The following PPP1R9A variants were observed in gnomAD, a reference collection of about 807,000 sequenced individuals.
PPP1R9A encodes the protein neurabin-1.
PPP1R9A carries 59 observed loss-of-function variants against 141.9 expected under a neutral mutation model. The observed-to-expected ratio is 0.42, with a 90% CI of 0.34 to 0.52. PPP1R9A has a LOEUF of 0.52. Ranked by LOEUF, PPP1R9A falls within the 20% of genes least tolerant of loss-of-function variation. The probability of loss-of-function intolerance (pLI) is 0.10; values close to 1 mark genes in which losing one functional copy is unlikely to be tolerated. For synonymous variants in PPP1R9A, 500 were observed against 569.7 expected (o/e 0.88, Z 1.74); for missense variants, 1,444 against 1,611.9 (o/e 0.90, Z 1.78).
intron 12 of PPP1R9A, among the ~76,000 whole-genome samples, chr7:95,258,030 C>G (rs970918090): frequency 1.3e-5 from 2 of 151,918 alleles, no homozygotes; most frequent in Non-Finnish European, 2.9e-5. Context: ...GGGTATATAC[C>G]CAGTAATGGG....
At chr7:95,124,274 A>G (rs1011603175) in intron 4 of PPP1R9A, among the ~76,000 whole-genome samples, 3 of 152,162 alleles carry the variant, frequency 2.0e-5, no homozygotes, top group African/African-American at 7.2e-5. Context: ...ACACTTACTG[A>G]TATAGAAAAA....
intron 2 of PPP1R9A, among the ~76,000 whole-genome samples, chr7:94,946,158 C>T (rs1457480467): frequency 1.3e-5 from 2 of 151,970 alleles, no homozygotes; most frequent in Admixed American, 6.6e-5. Context: ...ATTTTAGTGT[C>T]TTCAGTTTCC....
At chr7:95,205,666 T>A (rs911957846) in intron 7 of PPP1R9A, among the ~76,000 whole-genome samples, 1 of 152,220 alleles carries the variant, frequency 6.6e-6, no homozygotes, top group African/African-American at 2.4e-5. Flanking sequence ...ACACTGACTC[T>A]GTTGCCCTTG....
chr7:95,028,979 A>G (rs1376141206), intron 2 of PPP1R9A, among the ~76,000 whole-genome samples: 1 of 151,586 alleles, frequency 6.6e-6, no homozygotes, highest in East Asian at 1.9e-4. Flanking sequence ...CTCAGAAGTG[A>G]TTTTTTTTTA....
chr7:95,019,473 A>G (rs1805589454), intron 2 of PPP1R9A, among the ~76,000 whole-genome samples: 1 of 152,246 alleles, frequency 6.6e-6, no homozygotes, highest in Non-Finnish European at 1.5e-5. Context: ...CAAAAAAGCA[A>G]GAATTGAAGA....
At chr7:95,216,132 C>G (rs928484225) in intron 7 of PPP1R9A, among the ~76,000 whole-genome samples, 7 of 152,162 alleles carry the variant, frequency 4.6e-5, no homozygotes, top group Non-Finnish European at 1.0e-4. Flanking sequence ...TTTAATCCAT[C>G]TTGAATGAAT....
chr7:95,268,739 C>G, intron 13 of PPP1R9A, 32 bp downstream of exon 13: 1 of 1,604,292 alleles, frequency 6.2e-7, no homozygotes, highest in Non-Finnish European at 8.5e-7. Flanking sequence ...CTGATTTGTA[C>G]TGTTGGAGTA....
intron 5 of PPP1R9A, among the ~76,000 whole-genome samples, chr7:95,165,863 T>C (rs1831157482): frequency 6.6e-6 from 1 of 151,880 alleles, no homozygotes; most frequent in Admixed American, 6.6e-5. Flanking sequence ...TTATTGAAAA[T>C]TGGGTCAGGC....
intron 7 of PPP1R9A, among the ~76,000 whole-genome samples, chr7:95,221,682 T>G (rs1794476646): frequency 6.6e-6 from 1 of 152,180 alleles, no homozygotes; most frequent in African/African-American, 2.4e-5. Context: ...TAATAAAGAC[T>G]GGCAGCTCAA....
intron 5 of PPP1R9A, among the ~76,000 whole-genome samples, chr7:95,181,047 C>A (rs2152792052): frequency 6.6e-6 from 1 of 151,640 alleles, no homozygotes; most frequent in Non-Finnish European, 1.5e-5. Flanking sequence ...GAAAAGAAGT[C>A]ATTACATGAT....
At chr7:95,108,410 A>T (rs1178974355) in intron 2 of PPP1R9A, among the ~76,000 whole-genome samples, 1 of 130,942 alleles carries the variant, frequency 7.6e-6, no homozygotes, top group Non-Finnish European at 1.5e-5. Context: ...TCCTGGGTTC[A>T]TGCCATTCTC....
intron 2 of PPP1R9A, among the ~76,000 whole-genome samples, chr7:95,103,780 C>T (rs1412201300): frequency 6.6e-6 from 1 of 152,164 alleles, no homozygotes; most frequent in African/African-American, 2.4e-5. Flanking sequence ...GTCCTCTGAA[C>T]TTCTCGTGTA....
chr7:95,037,464 A>G (rs755155598), intron 2 of PPP1R9A, among the ~76,000 whole-genome samples: 11 of 152,166 alleles, frequency 7.2e-5, no homozygotes, highest in Non-Finnish European at 1.6e-4. Context: ...ATGTGTTATG[A>G]CCAAAAGTGA....
At chr7:95,288,331 A>G (rs2115987441) in intron 18 of PPP1R9A, among the ~76,000 whole-genome samples, 1 of 152,266 alleles carries the variant, frequency 6.6e-6, no homozygotes, top group African/African-American at 2.4e-5. Context: ...GTGCTTTTTT[A>G]TTATGGGGAA....
At chr7:95,083,210 T>G (rs914012088) in intron 2 of PPP1R9A, among the ~76,000 whole-genome samples, 1 of 151,936 alleles carries the variant, frequency 6.6e-6, no homozygotes, top group Non-Finnish European at 1.5e-5. Context: ...ATCTGTGTAT[T>G]TTTATGGACA....
chr7:95,087,274 T>G (rs1816753307), intron 2 of PPP1R9A, among the ~76,000 whole-genome samples: 1 of 152,062 alleles, frequency 6.6e-6, no homozygotes, highest in Admixed American at 6.5e-5. Context: ...TACTTTTATC[T>G]CATGAGAATT....
At chr7:94,958,072 A>C (rs1360553389) in intron 2 of PPP1R9A, among the ~76,000 whole-genome samples, 1 of 152,062 alleles carries the variant, frequency 6.6e-6, no homozygotes, top group Non-Finnish European at 1.5e-5. Context: ...TGAGGACAAG[A>C]CATACTTTGT....
intron 2 of PPP1R9A, among the ~76,000 whole-genome samples, chr7:95,101,949 A>C (rs979981839): frequency 1.3e-5 from 2 of 152,160 alleles, no homozygotes; most frequent in African/African-American, 4.8e-5. Flanking sequence ...TAAGGAGAGC[A>C]TCCAGCCTGT....
intron 2 of PPP1R9A, among the ~76,000 whole-genome samples, chr7:94,994,734 A>G (rs192507572): frequency 7.1e-4 from 108 of 152,190 alleles, no homozygotes; most frequent in African/African-American, 2.5e-3. Context: ...TCTTTACTAA[A>G]AATACAAAAA....
Sources: gnomAD v4.1 joint callset for allele counts (sites outside exome capture counted in the v4.1 genomes callset) on GRCh38, gnomAD v4.1.1 for gene constraint, MANE v1.5 for transcripts, NCBI Gene and HGNC (gene_info 2026-07-23, HGNC 2026-07-21) for gene names.